Variants in NEB observed in about 807,000 individuals in gnomAD.
NEB encodes the protein nebulin.
A neutral mutation model predicts 952.2 loss-of-function variants in NEB; 512 were observed. The ratio of observed to expected loss-of-function variants is 0.54; its 90% CI spans 0.50 to 0.58. The LOEUF is 0.58. Among genes scored for constraint, NEB ranks in the 20% least tolerant of loss-of-function variants. NEB has a pLI of 0.00. For missense variants in NEB, 8,428 were observed against 9,231.1 expected, an observed-to-expected ratio of 0.91 and a Z score of 3.56; for synonymous variants, 2,900 against 3,149.8, an observed-to-expected ratio of 0.92 and a Z score of 2.66.
chr2:151,608,863 A>G (rs1347043744), intron 81 of NEB, among the ~76,000 whole-genome samples, 187 bp from the exon 82 acceptor site: 1 of 93,004 alleles, frequency 1.1e-5, no homozygotes, highest in African/African-American at 3.9e-5. Context: ...AGACTGTGCC[A>G]TTGCACTCCA....
At chr2:151,639,801 T>G in intron 62 of NEB, 56 bp downstream of exon 62, 1 of 1,427,694 alleles carries the variant, frequency 7.0e-7, no homozygotes, top group East Asian at 2.4e-5. Context: ...TAATGTTTCT[T>G]TTTTGTTGAT....
In NEB at chr2:151,551,794, T is replaced by C; in HGVS notation, c.19888A>G (p.Thr6630Ala). 6.2e-7 allele frequency: 1 copy of C among 1,613,468 alleles called. No homozygotes were observed. Among genetic ancestry groups the C allele is most frequent in the South Asian group, 1.1e-5 (1 of 90,990 alleles). The change falls in exon 129 of 182, where the codon ACT becomes GCT. Residue 6630 changes from threonine (T) to alanine (A), a missense_variant. This residue lies in a region of NEB where 3,374 missense variants were observed against 3,651.5 expected (regional missense o/e 0.92). Coordinates refer to ENST00000397345, the MANE Select transcript of NEB (RefSeq NM_001164508.2). The stretch of plus-strand genomic sequence containing the variant: ...CGGTCCAGATCCACGGTTTTGGTAG[T>C]TGGAGCCACTTTGCCTCTGACACTG... ...VHSVRGKVAP[T>A]TKTVDLDRAL...
At chr2:151,563,387 A>C (rs1199598246) in intron 119 of NEB, among the ~76,000 whole-genome samples, 3 of 152,148 alleles carry the variant, frequency 2.0e-5, no homozygotes, top group Non-Finnish European at 4.4e-5. Context: ...AACACAAAGC[A>C]GTCACAGTGT....
At chr2:151,552,829 CT>C in intron 127 of NEB, 53 bp from the exon 128 acceptor site, 1 of 1,349,854 alleles carries the variant, frequency 7.4e-7, no homozygotes, top group Non-Finnish European at 1.0e-6. Flanking sequence ...ATGCTTGAAA[CT>C]GCTGGTTTTC....
chr2:151,555,411 T>G (rs1448134320), intron 124 of NEB, among the ~76,000 whole-genome samples: 1 of 152,232 alleles, frequency 6.6e-6, no homozygotes, highest in African/African-American at 2.4e-5. Context: ...GCTTTGTTTT[T>G]CTTACTAAAA....
chr2:151,546,560 T>G, intron 133 of NEB, 117 bp from the exon 134 acceptor site: 1 of 470,036 alleles, frequency 2.1e-6, no homozygotes, highest in Non-Finnish European at 3.7e-6. Flanking sequence ...TCATCTACTT[T>G]TTTTTTTTTT....
chr2:151,512,175 T>C (rs2075001797), intron 161 of NEB, among the ~76,000 whole-genome samples: 2 of 151,704 alleles, frequency 1.3e-5, no homozygotes, highest in African/African-American at 4.8e-5. Context: ...GGACTACAGG[T>C]GCCTGCCACC....
At chr2:151,677,222 A>G (rs987517139) in intron 34 of NEB, among the ~76,000 whole-genome samples, 1 of 152,198 alleles carries the variant, frequency 6.6e-6, no homozygotes, top group Admixed American at 6.5e-5. Context: ...CTGCCACAAT[A>G]AAGTGTCTGG....
At chr2:151,510,670 G>A (rs955195748) in intron 161 of NEB, among the ~76,000 whole-genome samples, 3 of 152,072 alleles carry the variant, frequency 2.0e-5, no homozygotes, top group Non-Finnish European at 1.5e-5. Context: ...AGTTATTGTT[G>A]TTAATCTCTT....
At chr2:151,494,025 G>A (rs1400552882) in intron 174 of NEB, 136 bp downstream of exon 174, 4 of 898,096 alleles carry the variant, frequency 4.5e-6, no homozygotes, top group African/African-American at 1.7e-5. Flanking sequence ...TACAGTAAAT[G>A]TAGTGTGATA....
At position 151,664,823 on chromosome 2, in the gene NEB, A is replaced by C. The variant is rs777840781; in HGVS notation, c.5279T>G (p.Ile1760Ser). 5 of 1,612,974 alleles carry C rather than the reference A, an allele frequency of 3.1e-6. No homozygotes were observed. Among genetic ancestry groups the C allele is most frequent in the Non-Finnish European group, 4.2e-6 (5 of 1,179,424 alleles). Residue 1760 changes from isoleucine (I) to serine (S), a missense_variant, in exon 43 of 182, where the codon ATT (isoleucine) becomes AGT (serine). Transcript: ENST00000397345. Reference protein sequence around the residue: ...TEKWNKDKTTIHVMPDTPDIL... With the variant: ...TEKWNKDKTTSHVMPDTPDIL... ...ATCCGGTGTGTCAGGCATGACATGA[A>C]TGGTGGTCTTGTCCTTGTTCCATTT...
intron 137 of NEB, 61 bp from the exon 138 acceptor site, chr2:151,540,509 C>A: frequency 1.5e-6 from 2 of 1,328,616 alleles, no homozygotes; most frequent in South Asian, 1.3e-5. Flanking sequence ...TCCAACCAAG[C>A]CACCTACAGG....
intron 20 of NEB, among the ~76,000 whole-genome samples, chr2:151,692,837 G>A (rs1298644857): frequency 2.0e-5 from 3 of 152,124 alleles, no homozygotes; most frequent in African/African-American, 7.2e-5. Flanking sequence ...GGGCGTGATG[G>A]CACATGTCTG....
At chr2:151,707,635 G>A (rs1431002767) in intron 12 of NEB, among the ~76,000 whole-genome samples, 2 of 152,156 alleles carry the variant, frequency 1.3e-5, no homozygotes, top group Non-Finnish European at 2.9e-5. Context: ...GGAGAATAGG[G>A]AAGGCAGGGT....
chr2:151,503,110 A>T (rs2065970061), intron 166 of NEB: 1 of 587,128 alleles, frequency 1.7e-6, no homozygotes, highest in Non-Finnish European at 3.0e-6. Context: ...TATAACGCTG[A>T]GGAATCTTGT....
chr2:151,576,514 ATATTTTTTTTTTTTTTTT>A (rs1159246002), intron 105 of NEB, among the ~76,000 whole-genome samples, 160 bp from the exon 106 acceptor site: 4 of 26,224 alleles, frequency 1.5e-4, no homozygotes, highest in Admixed American at 6.5e-4. Context: ...ATATATATAT[ATATTTTTTTTTTTTTTTT>A]TTTTTTTTTT....
At chr2:151,573,969 TTTTG>T (rs769691401) in intron 107 of NEB, among the ~76,000 whole-genome samples, 12 of 152,238 alleles carry the variant, frequency 7.9e-5, no homozygotes, top group South Asian at 2.1e-4. Context: ...TCTTACTCTT[TTTTG>T]TTTGTTTGTT....
intron 173 of NEB, among the ~76,000 whole-genome samples, 191 bp downstream of exon 173, chr2:151,496,085 T>C (rs949703313): frequency 6.6e-6 from 1 of 152,176 alleles, no homozygotes; most frequent in Non-Finnish European, 1.5e-5. Context: ...ATTAGAACTT[T>C]ATGGATTAAA....
intron 10 of NEB, among the ~76,000 whole-genome samples, chr2:151,711,805 A>C (rs2099746121): frequency 6.6e-6 from 1 of 152,194 alleles, no homozygotes; most frequent in African/African-American, 2.4e-5. Flanking sequence ...TAATAATAAT[A>C]ATAGTTATTA....
Sources: gnomAD v4.1 joint callset for allele counts (sites outside exome capture counted in the v4.1 genomes callset) on GRCh38, gnomAD v4.1.1 for gene constraint, gnomAD v4.1.1 regional missense constraint, MANE v1.5 for transcripts, NCBI Gene and HGNC (gene_info 2026-07-23, HGNC 2026-07-21) for gene names.